Variants in VCAM1 observed in about 807,000 individuals in gnomAD.
The protein encoded by VCAM1 is vascular cell adhesion protein 1.
VCAM1 carries 41 observed loss-of-function variants against 63.8 expected under a neutral mutation model. The observed-to-expected ratio is 0.64, with a 90% CI of 0.50 to 0.83. The LOEUF (loss-of-function observed/expected upper bound fraction) is 0.83, where lower values mean the gene tolerates loss of function less well. Ranked by LOEUF, VCAM1 falls within the 40% of genes least tolerant of loss-of-function variation. The pLI is 0.00. For missense variants in VCAM1, 798 were observed against 875.5 expected (o/e 0.91, Z 1.12); for synonymous variants, 338 against 320.7 (o/e 1.05, Z -0.58).
At chr1:100,728,106 C>G (rs757198298) in intron 4 of VCAM1, among the ~76,000 whole-genome samples, 5 of 152,030 alleles carry the variant, frequency 3.3e-5, no homozygotes, top group Non-Finnish European at 7.4e-5. Flanking sequence ...TTCCCTTTCT[C>G]CCTAAATAGC....
chr1:100,722,684 G>A (rs930272255), intron 2 of VCAM1, among the ~76,000 whole-genome samples: 6 of 151,968 alleles, frequency 3.9e-5, no homozygotes, highest in African/African-American at 7.2e-5. Context: ...GTTATTGTGA[G>A]GATAAAATGA....
At chr1:100,726,488 G>A (rs1321112189) in intron 4 of VCAM1, among the ~76,000 whole-genome samples, 4 of 151,990 alleles carry the variant, frequency 2.6e-5, no homozygotes, top group South Asian at 4.1e-4. Flanking sequence ...CTCTGCTTAC[G>A]CTGTTCCTTC....
intron 8 of VCAM1, chr1:100,736,409 A>T (rs1660650517): frequency 6.6e-6 from 1 of 152,126 alleles, no homozygotes; most frequent in Non-Finnish European, 1.5e-5. Flanking sequence ...ATTTTGTCTT[A>T]GCTTGAACGT....
Position 100,738,183 on chromosome 1 carries a change from C to T in VCAM1, c.2120C>T (p.Ser707Phe), listed in dbSNP as rs375362739. ...PELLVLYFAS[S>F]LIIPAIGMII... is the part of the protein sequence containing the mutation. ...CTTCTCGTGCTCTATTTTGCATCCT[C>T]CTTAATAATACCTGCCATTGGAATG... The change falls in exon 9 of 9, where the codon TCC (serine) becomes TTC (phenylalanine). Residue 707 changes from serine (S) to phenylalanine (F), a missense_variant. Transcript: ENST00000294728. 1.2e-5 allele frequency: 20 copies of T among 1,613,792 alleles called. No individual in the cohort carries two copies. Among genetic ancestry groups the T allele is most frequent in the Non-Finnish European group, 1.7e-5 (20 of 1,179,836 alleles).
In VCAM1 at chr1:100,724,650, G is replaced by A; in HGVS notation, c.688G>A (p.Val230Met). The A allele has an allele frequency of 6.2e-7, 1 of 1,612,840 alleles. No individual in the cohort carries two copies. Among genetic ancestry groups the A allele is most frequent in the Non-Finnish European group, 8.5e-7 (1 of 1,179,296 alleles). The change falls in exon 4 of 9, where the codon GTG (valine) becomes ATG (methionine). Residue 230 changes from valine to methionine, a missense_variant. Coordinates refer to ENST00000294728, the MANE Select transcript of VCAM1 (RefSeq NM_001078.4). ...ATCACCCAAGAATACAGTTATTTCT[G>A]TGAATCCATCCACAAAGCTGCAAGA... ...YISPKNTVIS[V>M]NPSTKLQEGG...
chr1:100,730,303 C>G (rs1660395027), intron 5 of VCAM1, among the ~76,000 whole-genome samples: 1 of 152,016 alleles, frequency 6.6e-6, no homozygotes, highest in South Asian at 2.1e-4. Flanking sequence ...CCATGATCTG[C>G]TGAGATAGGC....
intron 8 of VCAM1, chr1:100,736,608 G>T (rs1660657913): frequency 6.6e-6 from 1 of 152,048 alleles, no homozygotes; most frequent in Non-Finnish European, 1.5e-5. Flanking sequence ...AGAAAGAAAA[G>T]AAATAGAAAT....
intron 4 of VCAM1, among the ~76,000 whole-genome samples, chr1:100,726,637 C>G (rs1234118756): frequency 6.6e-6 from 1 of 152,010 alleles, no homozygotes; most frequent in Non-Finnish European, 1.5e-5. Context: ...CTCAACACTC[C>G]TTATAGTCAT....
At chr1:100,720,427 C>T in intron 1 of VCAM1, 49 bp from the exon 2 acceptor site, 1 of 1,575,822 alleles carries the variant, frequency 6.3e-7, no homozygotes, top group Non-Finnish European at 8.6e-7. Context: ...GAGGAGAATA[C>T]TAGACAAACT....
intron 2 of VCAM1, 67 bp from the exon 3 acceptor site, chr1:100,722,953 A>G: frequency 6.7e-7 from 1 of 1,483,338 alleles, no homozygotes; most frequent in Non-Finnish European, 9.0e-7. Context: ...GTATTGTGTT[A>G]AAGTGGTAAG....
intron 3 of VCAM1, among the ~76,000 whole-genome samples, chr1:100,723,695 A>G (rs912347565): frequency 6.6e-6 from 1 of 152,088 alleles, no homozygotes; most frequent in African/African-American, 2.4e-5. Flanking sequence ...CTCTTATAGT[A>G]TGCCTTGAAC....
chr1:100,734,303 G>A (rs970424045), intron 7 of VCAM1, among the ~76,000 whole-genome samples, 199 bp from the exon 8 acceptor site: 1 of 152,146 alleles, frequency 6.6e-6, no homozygotes, highest in African/African-American at 2.4e-5. Flanking sequence ...AGAAGCATAA[G>A]CCATGTACTC....
In VCAM1 at chr1:100,719,828, AC is replaced by A; in HGVS notation, c.-31del. 6.2e-7 allele frequency: 1 copy of A among 1,607,412 alleles called. No individual in the cohort carries two copies. Among genetic ancestry groups the A allele is most frequent in the Non-Finnish European group, 8.5e-7 (1 of 1,175,402 alleles). On this transcript the variant is annotated 5_prime_UTR_variant, in exon 1 of 9. Coordinates refer to ENST00000294728, the MANE Select transcript of VCAM1 (RefSeq NM_001078.4). ...GTGGGACACAAATAAGGGTTTTGGA[AC>A]CACTATTTTCTCATCACGACAGCAA...
In VCAM1 at chr1:100,731,049, TATAA is replaced by T. The variant is rs1278728531; in HGVS notation, c.1205-145_1205-142del. On this transcript the variant is annotated intron_variant, in intron 5 of 8. Coordinates refer to ENST00000294728, the MANE Select transcript of VCAM1 (RefSeq NM_001078.4). This position sits in a 1 kb window ranked among gnomAD's most constrained non-coding sequence, Gnocchi z 4.2. ...TATATAATATCATAAATATGTCATT[TATAA>T]ATACTGTCATTACTTATATATTGAC... 1 of 658,008 alleles carries T rather than the reference TATAA, an allele frequency of 1.5e-6. No individual in the cohort carries two copies. The highest frequency in any genetic ancestry group is 2.4e-6 in the Non-Finnish European group (1 of 408,320). 40.8% of individuals were successfully genotyped at this position (658,008 alleles called of 1,614,324 possible). A position where few individuals can be genotyped will look rare whatever the true frequency, so the allele number is the denominator to read the frequency against.
At chr1:100,730,413 A>G (rs538307273) in intron 5 of VCAM1, among the ~76,000 whole-genome samples, 46 of 152,304 alleles carry the variant, frequency 3.0e-4, no homozygotes, top group African/African-American at 1.0e-3. Flanking sequence ...AAGGAAAAAA[A>G]TGTTTAAGCA....
chr1:100,735,373 T>C (rs1188780013), intron 8 of VCAM1: 1 of 152,886 alleles, frequency 6.5e-6, no homozygotes. Context: ...GGCCCCTTAA[T>C]CTCCTAAGCC....
Position 100,732,496 on chromosome 1 carries a change from T to C in VCAM1, c.1604T>C (p.Leu535Ser). ...EEGSSVNMTCLSQGFPAPKIL... is the reference protein window; with the variant it reads ...EEGSSVNMTCSSQGFPAPKIL... ...GGCAGTTCTGTGAATATGACATGCT[T>C]GAGCCAGGGCTTTCCTGCTCCGAAA... The change falls in exon 7 of 9, where the codon TTG becomes TCG. Residue 535 changes from leucine to serine, a missense_variant. Leu to Ser is a moderately radical substitution (Grantham distance 145, BLOSUM62 -2). Transcript: ENST00000294728. 6.2e-7 allele frequency: 1 copy of C among 1,613,062 alleles called. No homozygotes were observed. Among genetic ancestry groups the C allele is most frequent in the Non-Finnish European group, 8.5e-7 (1 of 1,179,582 alleles).
intron 2 of VCAM1, 30 bp from the exon 3 acceptor site, chr1:100,722,990 C>A (rs1660006879): frequency 6.3e-7 from 1 of 1,582,512 alleles, no homozygotes; most frequent in African/African-American, 1.4e-5. Flanking sequence ...TAGCAAAAAG[C>A]CCATCCATGT....
At position 100,720,716 on chromosome 1, in the gene VCAM1, G is replaced by C; in HGVS notation, c.305G>C (p.Arg102Thr). 6.2e-7 allele frequency: 1 copy of C among 1,611,478 alleles called. No individual in the cohort carries two copies. Among genetic ancestry groups the C allele is most frequent in the Non-Finnish European group, 8.5e-7 (1 of 1,178,654 alleles). Reference protein sequence around the residue: ...SYLCTATCESRKLEKGIQVEI... With the variant: ...SYLCTATCESTKLEKGIQVEI... Reference sequence around the variant, plus strand: ...CTGTGCACAGCAACTTGTGAATCTAGGAAATTGGAAAAAGGAATCCAGGTG... The same window carrying C: ...CTGTGCACAGCAACTTGTGAATCTACGAAATTGGAAAAAGGAATCCAGGTG... Residue 102 changes from arginine (R) to threonine (T), a missense_variant, in exon 2 of 9, where the codon AGG becomes ACG. By Grantham distance (71) the Arg-to-Thr change is moderately conservative. Coordinates refer to ENST00000294728, the MANE Select transcript of VCAM1 (RefSeq NM_001078.4).
Sources: gnomAD v4.1 joint callset for allele counts (sites outside exome capture counted in the v4.1 genomes callset) on GRCh38, gnomAD v4.1.1 for gene constraint, Gnocchi (gnomAD v3.1) non-coding constraint, MANE v1.5 for transcripts, NCBI Gene and HGNC (gene_info 2026-07-23, HGNC 2026-07-21) for gene names.